The following SUFU variants were observed in gnomAD, a reference collection of about 807,000 sequenced individuals.
The protein encoded by SUFU is SUFU negative regulator of hedgehog signaling.
In SUFU, 7 loss-of-function variants were observed where a neutral mutation model predicts 58.9. That is an observed-to-expected ratio of 0.12 (90% CI 0.07 to 0.22). The LOEUF (loss-of-function observed/expected upper bound fraction) is 0.22. Ranked by LOEUF, SUFU falls within the 10% of genes least tolerant of loss-of-function variation. The pLI is 1.00. For missense variants in SUFU, 451 were observed against 641.3 expected (o/e 0.70, Z 3.20); for synonymous variants, 232 against 254.8 (o/e 0.91, Z 0.85).
intron 1 of SUFU, among the ~76,000 whole-genome samples, chr10:102,506,598 C>G (rs538721095): frequency 1.3e-5 from 2 of 152,144 alleles, no homozygotes; most frequent in African/African-American, 4.8e-5. Context: ...AGGCTGGTCT[C>G]GAACTCCTGA....
chr10:102,619,288 C>T lies in SUFU; in HGVS notation c.1296+1860C>T. The T allele has an allele frequency of 9.6e-6, 14 of 1,451,472 alleles. No individual in the cohort carries two copies. Among genetic ancestry groups the T allele is most frequent in the Non-Finnish European group, 1.2e-5 (13 of 1,104,604 alleles). The allele number at this position is 1,451,472 out of a possible 1,614,324, so 89.9% of individuals were successfully genotyped here. A position where few individuals can be genotyped will look rare whatever the true frequency, so the allele number is the denominator to read the frequency against. Reference sequence around the variant, plus strand: ...GCTGCCGGGGTTCCCACTCCCAGTGCCACAACCCCCTCACCTCCCTGGCAG... The same window carrying T: ...GCTGCCGGGGTTCCCACTCCCAGTGTCACAACCCCCTCACCTCCCTGGCAG... On this transcript the variant is annotated intron_variant, in intron 10 of 11. Transcript: ENST00000369902. The surrounding 1 kb of genome is among the most constrained non-coding windows in gnomAD (Gnocchi z 4.2).
intron 2 of SUFU, among the ~76,000 whole-genome samples, chr10:102,544,359 T>G (rs2062832974): frequency 6.6e-6 from 1 of 152,164 alleles, no homozygotes; most frequent in East Asian, 1.9e-4. Context: ...GGTTTTTAAG[T>G]ATATTTATAA....
At chr10:102,572,221 A>T (rs1226874346) in intron 3 of SUFU, among the ~76,000 whole-genome samples, 1 of 137,742 alleles carries the variant, frequency 7.3e-6, no homozygotes, top group Admixed American at 7.8e-5. Context: ...ACCGGCCACC[A>T]CGCCTGGATA....
At chr10:102,578,742 G>A (rs966883880) in intron 3 of SUFU, among the ~76,000 whole-genome samples, 1 of 151,600 alleles carries the variant, frequency 6.6e-6, no homozygotes, top group Admixed American at 6.6e-5. Context: ...ATGATGGTGC[G>A]CGCCTGTAAT....
chr10:102,585,240 C>T (rs2135843590), intron 3 of SUFU, among the ~76,000 whole-genome samples: 1 of 152,298 alleles, frequency 6.6e-6, no homozygotes, highest in Admixed American at 6.5e-5. Flanking sequence ...CTATTCCCTC[C>T]AACCATCACA....
In SUFU at chr10:102,591,369, A is replaced by G. The variant is rs185891216; in HGVS notation, c.455-1213A>G. Reference sequence around the variant, plus strand: ...CAAAAAATTAGCCAGGTGTGGTGGCACATGCCAGTAATCCCAGCTACTCAG... The same window carrying G: ...CAAAAAATTAGCCAGGTGTGGTGGCGCATGCCAGTAATCCCAGCTACTCAG... On this transcript the variant is annotated intron_variant, in intron 3 of 11. Coordinates refer to ENST00000369902, the MANE Select transcript of SUFU (RefSeq NM_016169.4). Among the ~76,000 whole-genome samples the G allele has an allele frequency of 4.5e-3, 680 of 152,202 alleles. 2 individuals carry two copies. The highest frequency in any genetic ancestry group is 7.5e-3 in the Non-Finnish European group (510 of 68,010).
chr10:102,545,313 T>C (rs1186528025), intron 2 of SUFU, among the ~76,000 whole-genome samples: 4 of 146,650 alleles, frequency 2.7e-5, no homozygotes, highest in Admixed American at 6.7e-5. Flanking sequence ...TTTTTTTTTT[T>C]TGTAGAAACG....
intron 2 of SUFU, among the ~76,000 whole-genome samples, chr10:102,530,300 C>G (rs942311822): frequency 2.0e-5 from 3 of 152,048 alleles, no homozygotes; most frequent in Non-Finnish European, 2.9e-5. Context: ...GTCCAAAGAT[C>G]GTGAGACTAA....
Position 102,630,388 on chromosome 10 carries a change from C to A in SUFU, c.*233C>A. 1.7e-6 allele frequency: 1 copy of A among 575,636 alleles called. No individual in the cohort carries two copies. The highest frequency in any genetic ancestry group is 2.0e-5 in the South Asian group (1 of 51,078). 35.7% of individuals were successfully genotyped at this position (575,636 alleles called of 1,614,324 possible). ...GGCTAAGCCTTGTGACCCATCAGGC[C>A]AGTGAGTGGGCAAATGCGGACCCTC... On this transcript the variant is annotated 3_prime_UTR_variant, in exon 12 of 12. Coordinates refer to ENST00000369902, the MANE Select transcript of SUFU (RefSeq NM_016169.4).
chr10:102,504,400 A>G (rs2062295939), intron 1 of SUFU, 66 bp downstream of exon 1: 1 of 1,595,636 alleles, frequency 6.3e-7, no homozygotes, highest in African/African-American at 1.3e-5. Context: ...CCGAGGGCGA[A>G]GTAATTTGTG....
intron 4 of SUFU, among the ~76,000 whole-genome samples, chr10:102,593,390 G>A (rs768654619): frequency 5.9e-5 from 9 of 152,132 alleles, no homozygotes; most frequent in Non-Finnish European, 1.3e-4. Flanking sequence ...AGCTAGACTT[G>A]GTGTCATCCA....
chr10:102,543,436 A>C (rs2062823996), intron 2 of SUFU, among the ~76,000 whole-genome samples: 1 of 152,240 alleles, frequency 6.6e-6, no homozygotes, highest in African/African-American at 2.4e-5. Flanking sequence ...GATATAATTA[A>C]TGTAGCATAC....
upstream of SUFU, chr10:102,503,933 C>A: frequency 1.8e-6 from 1 of 560,688 alleles, no homozygotes; most frequent in South Asian, 2.7e-5. Context: ...CGGCGCCCCG[C>A]CCCCCTTAGC....
intron 10 of SUFU, among the ~76,000 whole-genome samples, chr10:102,620,676 C>G (rs1197740726): frequency 1.3e-5 from 2 of 152,190 alleles, no homozygotes; most frequent in Non-Finnish European, 2.9e-5. Context: ...GCTCTTCAGA[C>G]CCTGGGAGGG....
At chr10:102,620,830 C>A (rs906343458) in intron 10 of SUFU, among the ~76,000 whole-genome samples, 2 of 152,194 alleles carry the variant, frequency 1.3e-5, no homozygotes, top group African/African-American at 4.8e-5. Context: ...AGTTGTTCAT[C>A]CGTCCCCAGC....
chr10:102,504,132 G>T lies in SUFU; in HGVS notation c.-21G>T, dbSNP rs1209844498. 6.5e-7 allele frequency: 1 copy of T among 1,533,470 alleles called. No individual in the cohort carries two copies. The highest frequency in any genetic ancestry group is 2.0e-5 in the Admixed American group (1 of 50,456). 95.0% of individuals were successfully genotyped at this position (1,533,470 alleles called of 1,614,324 possible). A position where few individuals can be genotyped will look rare whatever the true frequency, so the allele number is the denominator to read the frequency against. ...TCGTTTGCCCTCTCCAGTTCCCCCA[G>T]TGCCTGCCCTACGCACCCCGATGGC... On this transcript the variant is annotated 5_prime_UTR_variant, in exon 1 of 12. Transcript: ENST00000369902.
intron 3 of SUFU, 59 bp from the exon 4 acceptor site, chr10:102,592,523 A>G (rs1452780920): frequency 1.2e-6 from 2 of 1,605,890 alleles, no homozygotes; most frequent in Non-Finnish European, 1.7e-6. Context: ...ATCCCAGCCC[A>G]GATTCCAGGC....
At chr10:102,603,525 G>T (rs937183452) in intron 8 of SUFU, among the ~76,000 whole-genome samples, 4 of 152,202 alleles carry the variant, frequency 2.6e-5, no homozygotes, top group Non-Finnish European at 5.9e-5. Context: ...CTGACTATGG[G>T]AGAAGCACTT....
chr10:102,504,521 A>G (rs1238210273), intron 1 of SUFU, among the ~76,000 whole-genome samples, 187 bp downstream of exon 1: 2 of 151,604 alleles, frequency 1.3e-5, no homozygotes, highest in Non-Finnish European at 2.9e-5. Context: ...GGGTTAACGG[A>G]GCCCGTGGGT....
Sources: gnomAD v4.1 joint callset for allele counts (sites outside exome capture counted in the v4.1 genomes callset) on GRCh38, gnomAD v4.1.1 for gene constraint, Gnocchi (gnomAD v3.1) non-coding constraint, MANE v1.5 for transcripts, NCBI Gene and HGNC (gene_info 2026-07-23, HGNC 2026-07-21) for gene names.